UNC13C: variants seen among roughly 807,000 people sequenced by gnomAD.
UNC13C encodes protein unc-13 homolog C.
A neutral mutation model predicts 245.4 loss-of-function variants in UNC13C; 174 were observed. The observed-to-expected ratio is 0.71, with a 90% CI of 0.63 to 0.80. The LOEUF (loss-of-function observed/expected upper bound fraction) is 0.80, where lower values mean the gene tolerates loss of function less well. UNC13C is among the 30% of genes least tolerant of loss of function. The pLI is 0.00. For synonymous variants in UNC13C, 992 were observed against 895.1 expected, an observed-to-expected ratio of 1.11 and a Z score of -1.93; for missense variants, 2,829 against 2,602.9, an observed-to-expected ratio of 1.09 and a Z score of -1.89.
rs989402246 is a variant in UNC13C at position 54,197,394 on chromosome 15, C to T, written c.3072-37636C>T. ...ACAGGAATCACTTGAACCCAGGAGGCGGAGGTTGCAGTGAGCCAAGATCAC... is the reference window on the plus strand; with the variant it reads ...ACAGGAATCACTTGAACCCAGGAGGTGGAGGTTGCAGTGAGCCAAGATCAC... On this transcript the variant is annotated intron_variant, in intron 4 of 32. Coordinates refer to ENST00000260323, the MANE Select transcript of UNC13C (RefSeq NM_001080534.3). 4.6e-5 allele frequency among the ~76,000 whole-genome samples: 7 copies of T among 151,138 alleles called. No individual in the cohort carries two copies. The South Asian group carries it at 8.4e-4, about 18-fold the overall frequency.
chr15:54,542,995 T>C (rs1438958080), intron 26 of UNC13C, among the ~76,000 whole-genome samples: 1 of 152,176 alleles, frequency 6.6e-6, no homozygotes, highest in Admixed American at 6.6e-5. Context: ...TTAGTCCATT[T>C]ACATTTAAGA....
At chr15:53,969,135 T>G in the UNC13C span, among the ~76,000 whole-genome samples, 31 of 152,162 alleles carry the variant, frequency 2.0e-4, no homozygotes, top group African/African-American at 6.3e-4. Context: ...TATCCACAGA[T>G]AGTAGAAGGC....
At position 54,320,230 on chromosome 15, in the gene UNC13C, A is replaced by C. The variant is rs139537280; in HGVS notation, c.4269-1709A>C. On this transcript the variant is annotated intron_variant, in intron 13 of 32. Coordinates refer to ENST00000260323, the MANE Select transcript of UNC13C (RefSeq NM_001080534.3). ...AACAACATTTTGGTGAAAATATGAC[A>C]TTTCAGGAACCAAAATAAGTAGAAG... is the stretch of plus-strand genomic sequence containing the variant. Among the ~76,000 whole-genome samples, 327 of 152,110 alleles carry C rather than the reference A, an allele frequency of 2.1e-3. 1 individual carries two copies. The highest frequency in any genetic ancestry group is 7.6e-3 in the African/African-American group (317 of 41,544).
At chr15:53,889,490 A>T in the UNC13C span, among the ~76,000 whole-genome samples, 5 of 152,210 alleles carry the variant, frequency 3.3e-5, no homozygotes, top group African/African-American at 9.7e-5. Flanking sequence ...CAATCATGTC[A>T]TCTGCAAACA....
intron 30 of UNC13C, among the ~76,000 whole-genome samples, chr15:54,590,266 A>C (rs930248242): frequency 6.6e-6 from 1 of 152,168 alleles, no homozygotes; most frequent in Non-Finnish European, 1.5e-5. Context: ...TGCTTTGGCT[A>C]TGTGGGCTCT....
chr15:53,886,801 C>A, the UNC13C span, among the ~76,000 whole-genome samples: 1 of 152,128 alleles, frequency 6.6e-6, no homozygotes, highest in African/African-American at 2.4e-5. Context: ...CTTGTTATGA[C>A]ATCATGAAAT....
intron 19 of UNC13C, among the ~76,000 whole-genome samples, chr15:54,457,896 T>TG (rs1166631424): frequency 6.6e-6 from 1 of 151,226 alleles, no homozygotes; most frequent in East Asian, 1.9e-4. Flanking sequence ...CTTTTCGTTT[T>TG]TTTTTTTTTC....
At chr15:54,433,627 A>G (rs2040917354) in intron 19 of UNC13C, among the ~76,000 whole-genome samples, 1 of 152,222 alleles carries the variant, frequency 6.6e-6, no homozygotes, top group South Asian at 2.1e-4. Context: ...AGGCAATATC[A>G]TACTGAATGG....
intron 13 of UNC13C, among the ~76,000 whole-genome samples, chr15:54,302,505 A>G (rs906626074): frequency 5.9e-5 from 9 of 152,226 alleles, no homozygotes; most frequent in Admixed American, 2.6e-4. Context: ...AGCTTTCTGC[A>G]TATGGCTAGC....
chr15:54,225,736 G>A (rs1016196815), intron 4 of UNC13C, among the ~76,000 whole-genome samples: 2 of 152,134 alleles, frequency 1.3e-5, no homozygotes, highest in Non-Finnish European at 2.9e-5. Context: ...TTAGATACAG[G>A]ATTATGTCAT....
chr15:54,477,475 T>A (rs1310246241), intron 19 of UNC13C, among the ~76,000 whole-genome samples: 2 of 110,406 alleles, frequency 1.8e-5, no homozygotes. Flanking sequence ...TATTTTGAGA[T>A]ACGTCCCATC....
intron 17 of UNC13C, among the ~76,000 whole-genome samples, chr15:54,346,914 A>C (rs1470562847): frequency 6.6e-6 from 1 of 152,208 alleles, no homozygotes; most frequent in Non-Finnish European, 1.5e-5. Context: ...ATCAGAGAAC[A>C]AACGATAGTT....
At chr15:54,436,949 A>C (rs1890254631) in intron 19 of UNC13C, among the ~76,000 whole-genome samples, 1 of 151,958 alleles carries the variant, frequency 6.6e-6, no homozygotes, top group Non-Finnish European at 1.5e-5. Context: ...TACGTAACAA[A>C]ATGTTTTTAT....
chr15:53,916,755 A>G, the UNC13C span, among the ~76,000 whole-genome samples: 1 of 152,202 alleles, frequency 6.6e-6, no homozygotes, highest in Non-Finnish European at 1.5e-5. Context: ...CACTTTAGAA[A>G]GGTTTGAGAA....
intron 14 of UNC13C, among the ~76,000 whole-genome samples, chr15:54,326,253 G>A (rs1353140930): frequency 2.0e-5 from 3 of 152,060 alleles, no homozygotes; most frequent in Non-Finnish European, 4.4e-5. Context: ...ACAATGGGCT[G>A]TGAAATGGTT....
At chr15:54,296,795 G>C (rs569497817) in intron 11 of UNC13C, among the ~76,000 whole-genome samples, 2 of 152,284 alleles carry the variant, frequency 1.3e-5, no homozygotes, top group East Asian at 3.9e-4. Context: ...ATTTTCATTT[G>C]TGAAATGGGT....
In UNC13C at chr15:54,200,540, C is replaced by T. The variant is rs141249842; in HGVS notation, c.3072-34490C>T. 9.5e-3 allele frequency among the ~76,000 whole-genome samples: 1,443 copies of T among 152,018 alleles called. 9 individuals carry two copies. Among genetic ancestry groups the T allele is most frequent in the Middle Eastern group, 0.041 (12 of 294 alleles). ...AGGAACCCTCAAAACCGTGCAAATA[C>T]GTGGAAATGAAATAACCTGCTCCTG... On this transcript the variant is annotated intron_variant, in intron 4 of 32. Coordinates refer to ENST00000260323, the MANE Select transcript of UNC13C (RefSeq NM_001080534.3).
the UNC13C span, among the ~76,000 whole-genome samples, chr15:53,938,421 C>T: frequency 6.6e-6 from 1 of 151,698 alleles, no homozygotes; most frequent in African/African-American, 2.4e-5. Flanking sequence ...CACATAATAA[C>T]ACCTCACTGA....
Position 54,516,673 on chromosome 15 carries a change from G to A in UNC13C, c.5457+4843G>A, listed in dbSNP as rs541098735. Reference sequence around the variant, plus strand: ...AAATTAGCCAGGCATGGTGGTGGGCGCCTGTAATCCCAGCTACTCAGGAGG... The same window carrying A: ...AAATTAGCCAGGCATGGTGGTGGGCACCTGTAATCCCAGCTACTCAGGAGG... On this transcript the variant is annotated intron_variant, in intron 24 of 32. Transcript: ENST00000260323. Among the ~76,000 whole-genome samples the A allele has an allele frequency of 7.2e-5, 11 of 151,818 alleles. No individual in the cohort carries two copies. In the East Asian group the frequency reaches 7.8e-4, roughly 11 times the overall value.
Sources: gnomAD v4.1 joint callset for allele counts (sites outside exome capture counted in the v4.1 genomes callset) on GRCh38, gnomAD v4.1.1 for gene constraint, MANE v1.5 for transcripts, NCBI Gene and HGNC (gene_info 2026-07-23, HGNC 2026-07-21) for gene names.